The following CELF2 variants were observed in gnomAD, a reference collection of about 807,000 sequenced individuals.
CELF2 encodes CUG triplet repeat RNA-binding protein 2.
In CELF2, 8 loss-of-function variants were observed where a neutral mutation model predicts 62.6. The observed-to-expected ratio is 0.13, with a 90% CI of 0.07 to 0.23. The LOEUF (loss-of-function observed/expected upper bound fraction) is 0.23, where lower values mean the gene tolerates loss of function less well. Ranked by LOEUF, CELF2 falls within the 10% of genes least tolerant of loss-of-function variation. The pLI is 1.00. For missense variants in CELF2, 333 were observed against 671.0 expected, an observed-to-expected ratio of 0.50 and a Z score of 5.56; for synonymous variants, 258 against 250.0, an observed-to-expected ratio of 1.03 and a Z score of -0.30.
the CELF2 span, among the ~76,000 whole-genome samples, chr10:10,724,797 G>T: frequency 6.6e-6 from 1 of 152,136 alleles, no homozygotes; most frequent in African/African-American, 2.4e-5. Flanking sequence ...CTTACCTCCT[G>T]TAAATGATTG....
At chr10:10,658,013 A>G in the CELF2 span, among the ~76,000 whole-genome samples, 1 of 152,188 alleles carries the variant, frequency 6.6e-6, no homozygotes, top group East Asian at 1.9e-4. Context: ...TTGGTTGCAA[A>G]CTTAACATGC....
the CELF2 span, among the ~76,000 whole-genome samples, chr10:10,671,974 C>T: frequency 6.6e-6 from 1 of 152,296 alleles, no homozygotes; most frequent in South Asian, 2.1e-4. Context: ...AGGTACTCCA[C>T]CTGCCTCAGC....
chr10:11,019,328 G>GA (rs1271987582), intron 1 of CELF2, among the ~76,000 whole-genome samples: 4 of 152,108 alleles, frequency 2.6e-5, no homozygotes, highest in African/African-American at 4.8e-5. Context: ...AATCCAGTGA[G>GA]AAAAAAATGG....
At chr10:10,678,500 A>G in the CELF2 span, among the ~76,000 whole-genome samples, 1 of 152,180 alleles carries the variant, frequency 6.6e-6, no homozygotes, top group Non-Finnish European at 1.5e-5. Flanking sequence ...GCTTGGTTAC[A>G]TAAACATGGT....
the CELF2 span, among the ~76,000 whole-genome samples, chr10:10,547,056 G>T: frequency 6.6e-6 from 1 of 152,068 alleles, no homozygotes; most frequent in Non-Finnish European, 1.5e-5. Flanking sequence ...GCAGTGAGTC[G>T]AGATCACGCC....
chr10:10,994,908 C>A (rs1398215478), intron 2 of CELF2, among the ~76,000 whole-genome samples: 2 of 152,160 alleles, frequency 1.3e-5, no homozygotes, highest in Non-Finnish European at 2.9e-5. Context: ...GTCTCCTCTG[C>A]AGGGCTATCT....
At chr10:10,656,880 T>G in the CELF2 span, among the ~76,000 whole-genome samples, 1 of 112,632 alleles carries the variant, frequency 8.9e-6, no homozygotes, top group South Asian at 2.4e-4. Context: ...ATTAAAAAAA[T>G]AAAAAATAAA....
intron 2 of CELF2, among the ~76,000 whole-genome samples, chr10:10,979,265 G>T (rs755585554): frequency 6.6e-6 from 1 of 152,196 alleles, no homozygotes; most frequent in Non-Finnish European, 1.5e-5. Context: ...ACAGCTGGGA[G>T]GCCACAAGAG....
chr10:10,848,720 A>T (rs758125086), intron 1 of CELF2, among the ~76,000 whole-genome samples: 1 of 152,154 alleles, frequency 6.6e-6, no homozygotes, highest in African/African-American at 2.4e-5. Flanking sequence ...TGGGAGATGG[A>T]GAAGGGACAT....
rs2064528952 is a variant in CELF2 at position 11,156,810 on chromosome 10, C to T, written c.75-8676C>T. On this transcript the variant is annotated intron_variant, in intron 1 of 12. Transcript: ENST00000633077. The surrounding 1 kb of genome is among the most constrained non-coding windows in gnomAD (Gnocchi z 4.3). ...CCGCATTACACGCATGTTCTGTGTG[C>T]AGCACTGTTTCTGGTCATGGATTGC... Among the ~76,000 whole-genome samples the T allele has an allele frequency of 6.6e-6, 1 of 152,116 alleles. No homozygotes were observed.
Position 11,309,470 on chromosome 10 carries a change from C to G in CELF2, c.977-4669C>G, listed in dbSNP as rs1463029337. Among the ~76,000 whole-genome samples, 2 of 152,254 alleles carry G rather than the reference C, an allele frequency of 1.3e-5. No homozygotes were observed. The highest frequency in any genetic ancestry group is 2.9e-5 in the Non-Finnish European group (2 of 68,048). ...AATTCTTCCAGACAGCTCCCTTTCA[C>G]TGCCTCTTTGCCTGATCTCTGTTAA... On this transcript the variant is annotated intron_variant, in intron 9 of 12. Transcript: ENST00000633077. The surrounding 1 kb of genome is among the most constrained non-coding windows in gnomAD (Gnocchi z 5.6).
At chr10:11,203,955 A>T (rs2059847385) in intron 2 of CELF2, among the ~76,000 whole-genome samples, 1 of 152,242 alleles carries the variant, frequency 6.6e-6, no homozygotes, top group Non-Finnish European at 1.5e-5. Flanking sequence ...CTGAGCCTCC[A>T]ACTGAAAGGA....
intron 1 of CELF2, among the ~76,000 whole-genome samples, chr10:11,059,557 G>T (rs576083046): frequency 7.4e-4 from 113 of 152,340 alleles, no homozygotes; most frequent in South Asian, 3.5e-3. Flanking sequence ...TATCCCATGT[G>T]ACTGCTCTTG....
chr10:10,719,968 T>G, the CELF2 span, among the ~76,000 whole-genome samples: 1 of 152,190 alleles, frequency 6.6e-6, no homozygotes, highest in African/African-American at 2.4e-5. Flanking sequence ...TAATATTTTG[T>G]TATTAACCAT....
At chr10:10,514,685 C>A in the CELF2 span, among the ~76,000 whole-genome samples, 1 of 151,978 alleles carries the variant, frequency 6.6e-6, no homozygotes, top group South Asian at 2.1e-4. Flanking sequence ...TGGAAATAGT[C>A]GGTGGTGGAT....
intron 2 of CELF2, chr10:10,927,121 A>G (rs1417977388): frequency 6.6e-6 from 1 of 152,066 alleles, no homozygotes; most frequent in Non-Finnish European, 1.5e-5. Flanking sequence ...GATTTCATCC[A>G]GCTCCATGAT....
chr10:10,661,918 T>C, the CELF2 span, among the ~76,000 whole-genome samples: 2 of 152,114 alleles, frequency 1.3e-5, no homozygotes, highest in Non-Finnish European at 2.9e-5. Context: ...ATACAGACCT[T>C]TGTATCTAAA....
At chr10:10,732,156 G>C in the CELF2 span, among the ~76,000 whole-genome samples, 1 of 152,284 alleles carries the variant, frequency 6.6e-6, no homozygotes, top group East Asian at 1.9e-4. Context: ...GCCTTGGCAG[G>C]GAGGGCTAGG....
chr10:10,999,887 G>C (rs1294085037), intron 2 of CELF2, among the ~76,000 whole-genome samples: 1 of 152,240 alleles, frequency 6.6e-6, no homozygotes, highest in Non-Finnish European at 1.5e-5. Flanking sequence ...TAATGGTCGA[G>C]TAACGTAGTT....
Sources: gnomAD v4.1 joint callset for allele counts (sites outside exome capture counted in the v4.1 genomes callset) on GRCh38, gnomAD v4.1.1 for gene constraint, Gnocchi (gnomAD v3.1) non-coding constraint, MANE v1.5 for transcripts, NCBI Gene and HGNC (gene_info 2026-07-23, HGNC 2026-07-21) for gene names.